UNC13A: variants seen among roughly 807,000 people sequenced by gnomAD.
UNC13A encodes protein unc-13 homolog A.
A neutral mutation model predicts 219.7 loss-of-function variants in UNC13A; 61 were observed. The ratio of observed to expected loss-of-function variants is 0.28; its 90% CI spans 0.23 to 0.34. UNC13A has a LOEUF of 0.34. Ranked by LOEUF, UNC13A falls within the 10% of genes least tolerant of loss-of-function variation. UNC13A has a pLI of 1.00. For missense variants in UNC13A, 1,476 were observed against 2,270.3 expected (o/e 0.65, Z 7.11); for synonymous variants, 920 against 884.6 (o/e 1.04, Z -0.71).
Position 17,608,358 on chromosome 19 carries a change from TAA to T in UNC13A, c.4811+1580_4811+1581del, listed in dbSNP as rs554126078. On this transcript the variant is annotated intron_variant, in intron 43 of 43. Coordinates refer to ENST00000519716, the MANE Select transcript of UNC13A (RefSeq NM_001080421.3). ...ACTATATATAATTTTATATATAATA[TAA>T]ATATATATTATATATGTATATAAAT... 7.8e-3 allele frequency among the ~76,000 whole-genome samples: 868 copies of T among 110,720 alleles called. 24 individuals carry two copies. Among genetic ancestry groups the T allele is most frequent in the Admixed American group, 0.051 (476 of 9,322 alleles). 72.6% of individuals were successfully genotyped at this position (110,720 alleles called of 152,430 possible).
At chr19:17,653,345 T>TATTTTG (rs397707679) in intron 11 of UNC13A, among the ~76,000 whole-genome samples, 1 of 150,526 alleles carries the variant, frequency 6.6e-6, no homozygotes, top group African/African-American at 2.4e-5. Flanking sequence ...TATATATATA[T>TATTTTG]TTTGTTTGTT....
chr19:17,630,338 T>C lies in UNC13A; in HGVS notation c.3526-50A>G, dbSNP rs1359032519. 5.2e-6 allele frequency: 8 copies of C among 1,547,154 alleles called. No individual in the cohort carries two copies. The Admixed American group carries it at 5.9e-5, about 11-fold the overall frequency. On this transcript the variant is annotated intron_variant, in intron 29 of 43. Coordinates refer to ENST00000519716, the MANE Select transcript of UNC13A (RefSeq NM_001080421.3). ...GAAGGAGGAGATCAGCACCAGAGAATCCCTAGAGCCCAACTCTCCCACTCT... is the reference window on the plus strand; with the variant it reads ...GAAGGAGGAGATCAGCACCAGAGAACCCCTAGAGCCCAACTCTCCCACTCT...
intron 36 of UNC13A, 158 bp downstream of exon 36, chr19:17,623,384 C>T: frequency 3.4e-6 from 2 of 584,226 alleles, no homozygotes; most frequent in Non-Finnish European, 2.9e-6. Context: ...CTCCCCATGC[C>T]CCGCCCCAGA....
intron 26 of UNC13A, among the ~76,000 whole-genome samples, chr19:17,633,781 T>C (rs1251571989): frequency 6.6e-6 from 1 of 150,502 alleles, no homozygotes. Flanking sequence ...ATCCAACTAT[T>C]CATCCATCCA....
chr19:17,632,265 G>C (rs557501085), intron 28 of UNC13A, among the ~76,000 whole-genome samples: 27 of 152,072 alleles, frequency 1.8e-4, no homozygotes, highest in Non-Finnish European at 2.6e-4. Context: ...TGCTGGTCTC[G>C]AACTCCTGAC....
At chr19:17,637,359 G>A (rs1482710378) in intron 25 of UNC13A, among the ~76,000 whole-genome samples, 1 of 150,172 alleles carries the variant, frequency 6.7e-6, no homozygotes, top group Non-Finnish European at 1.5e-5. Flanking sequence ...GTGCAGTGAT[G>A]CGATCTCAGC....
intron 28 of UNC13A, among the ~76,000 whole-genome samples, chr19:17,632,471 G>C (rs2076866833): frequency 6.6e-6 from 1 of 152,220 alleles, no homozygotes; most frequent in Non-Finnish European, 1.5e-5. Flanking sequence ...ACCATGCCTG[G>C]CCATTTGGCA....
chr19:17,647,848 TGA>T (rs1404672247), intron 16 of UNC13A, among the ~76,000 whole-genome samples: 1 of 103,396 alleles, frequency 9.7e-6, no homozygotes, highest in Admixed American at 1.2e-4. Flanking sequence ...GCCCCCTCTC[TGA>T]GTCCCACCCC....
intron 21 of UNC13A, among the ~76,000 whole-genome samples, chr19:17,640,914 T>A (rs2076962468): frequency 1.3e-5 from 2 of 149,550 alleles, no homozygotes; most frequent in African/African-American, 5.0e-5. Context: ...AGTCTCACTC[T>A]GTCACCCAGG....
chr19:17,639,713 A>G (rs2076947556), intron 23 of UNC13A, 127 bp downstream of exon 23: 2 of 1,224,356 alleles, frequency 1.6e-6, no homozygotes, highest in Non-Finnish European at 2.3e-6. Context: ...GCAGGTGCAC[A>G]CATGCTGGAG....
intron 1 of UNC13A, among the ~76,000 whole-genome samples, chr19:17,685,364 T>G (rs8110689): frequency 0.6 from 91,779 of 151,876 alleles, 29,098 homozygotes; most frequent in African/African-American, 0.73. Flanking sequence ...CTAATTTTTT[T>G]TATTTTTTAG....
chr19:17,638,538 T>A (rs1348987170), intron 25 of UNC13A, among the ~76,000 whole-genome samples: 1 of 151,824 alleles, frequency 6.6e-6, no homozygotes, highest in East Asian at 1.9e-4. Context: ...CATAAATTTT[T>A]ATGCCAGGCT....
At chr19:17,671,977 G>A (rs553013633) in intron 4 of UNC13A, among the ~76,000 whole-genome samples, 46 of 152,026 alleles carry the variant, frequency 3.0e-4, no homozygotes, top group Non-Finnish European at 5.1e-4. Flanking sequence ...CTGTGCCTAG[G>A]GAAGCACAGC....
rs906324825 is a variant in UNC13A, at chr19:17,604,157, G to C, written c.*1897C>G. 5.9e-5 allele frequency: 9 copies of C among 152,112 alleles called. No individual in the cohort carries two copies. The highest frequency in any genetic ancestry group is 1.3e-4 in the Non-Finnish European group (9 of 68,058). The allele number at this position is 152,112 out of a possible 1,614,324, so 9.4% of individuals were successfully genotyped here. ...AGAATCTTTCCAAGAATCCATTTCAGTGTCCCCAAAGCACCTCCACCTCTC... is the reference window on the plus strand; with the variant it reads ...AGAATCTTTCCAAGAATCCATTTCACTGTCCCCAAAGCACCTCCACCTCTC... On this transcript the variant is annotated 3_prime_UTR_variant, in exon 44 of 44. Coordinates refer to ENST00000519716, the MANE Select transcript of UNC13A (RefSeq NM_001080421.3).
chr19:17,619,998 C>T (rs2076710643), intron 38 of UNC13A, among the ~76,000 whole-genome samples: 1 of 152,176 alleles, frequency 6.6e-6, no homozygotes, highest in South Asian at 2.1e-4. Context: ...GCTCAGTGTT[C>T]GCTAATTATC....
chr19:17,612,156 G>A (rs1312015097), intron 41 of UNC13A: 1 of 263,536 alleles, frequency 3.8e-6, no homozygotes, highest in Non-Finnish European at 7.2e-6. Flanking sequence ...CAGTCTTCAT[G>A]TTACATTACA....
intron 43 of UNC13A, among the ~76,000 whole-genome samples, chr19:17,606,692 GC>G (rs1444380518): frequency 9.3e-5 from 14 of 151,128 alleles, no homozygotes; most frequent in Non-Finnish European, 1.8e-4. Flanking sequence ...CCGCGCCTGT[GC>G]CCTCTGCCGG....
chr19:17,604,812 T>C lies in UNC13A; in HGVS notation c.*1242A>G, dbSNP rs1294189466. The C allele has an allele frequency of 3.3e-5, 5 of 152,402 alleles. No individual in the cohort carries two copies. Among genetic ancestry groups the C allele is most frequent in the South Asian group, 2.1e-4 (1 of 4,830 alleles). 9.4% of individuals were successfully genotyped at this position (152,402 alleles called of 1,614,324 possible). ...CCTGTGGCTTGGGTGTTTGAATCAA[T>C]GAATAGGCTCTTGGAGACTAAGCTC... On this transcript the variant is annotated 3_prime_UTR_variant, in exon 44 of 44. Transcript: ENST00000519716.
chr19:17,613,702 C>CTTTTTTTTT (rs1157023997), intron 41 of UNC13A: 27 of 124,244 alleles, frequency 2.2e-4, no homozygotes, highest in African/African-American at 3.0e-4. Flanking sequence ...TCTTAAGTTT[C>CTTTTTTTTT]TTTTTTTTTT....
Sources: allele counts gnomAD v4.1 joint callset (sites outside exome capture counted in the v4.1 genomes callset), GRCh38; gene constraint gnomAD v4.1.1; transcripts MANE v1.5; gene names NCBI Gene and HGNC (gene_info 2026-07-23, HGNC 2026-07-21).